SPAG17: variants seen among roughly 807,000 people sequenced by gnomAD.
SPAG17 encodes sperm associated antigen 17, also known as sperm-associated antigen 17.
SPAG17 carries 169 observed loss-of-function variants against 273.6 expected under a neutral mutation model. The observed-to-expected ratio is 0.62, with a 90% CI of 0.55 to 0.70. SPAG17 has a LOEUF of 0.70. Among genes scored for constraint, SPAG17 ranks in the 30% least tolerant of loss-of-function variants. SPAG17 has a pLI of 0.00. For synonymous variants in SPAG17, 825 were observed against 873.2 expected, an observed-to-expected ratio of 0.94 and a Z score of 0.97; for missense variants, 2,557 against 2,627.8, an observed-to-expected ratio of 0.97 and a Z score of 0.59.
At chr1:117,957,749 G>A (rs961482494) in intron 48 of SPAG17, among the ~76,000 whole-genome samples, 2 of 152,150 alleles carry the variant, frequency 1.3e-5, no homozygotes, top group African/African-American at 4.8e-5. Flanking sequence ...TGTGTGGCCC[G>A]AGACGGTTCT....
intron 15 of SPAG17, chr1:118,076,473 C>G (rs1654105714): frequency 6.6e-6 from 1 of 152,014 alleles, no homozygotes. Context: ...AAACTCAGGC[C>G]AACTATAACT....
At chr1:118,139,668 G>C (rs963197677) in intron 3 of SPAG17, among the ~76,000 whole-genome samples, 3 of 151,958 alleles carry the variant, frequency 2.0e-5, no homozygotes, top group African/African-American at 7.3e-5. Context: ...GATGGAATCA[G>C]AAAACATTAT....
chr1:118,061,632 A>G (rs1169150334), intron 18 of SPAG17, among the ~76,000 whole-genome samples: 1 of 152,200 alleles, frequency 6.6e-6, no homozygotes, highest in Non-Finnish European at 1.5e-5. Flanking sequence ...CAATGTTTTT[A>G]AAAAACCACA....
At chr1:118,153,320 C>G (rs1659489644) in intron 1 of SPAG17, among the ~76,000 whole-genome samples, 1 of 152,150 alleles carries the variant, frequency 6.6e-6, no homozygotes, top group African/African-American at 2.4e-5. Context: ...GATGGAAAAA[C>G]AAAGGTCCAA....
At chr1:118,126,087 A>G (rs927399379) in intron 3 of SPAG17, among the ~76,000 whole-genome samples, 1 of 143,852 alleles carries the variant, frequency 7.0e-6, no homozygotes, top group African/African-American at 2.6e-5. Context: ...GGGTGAAATC[A>G]TATCTCATTA....
intron 3 of SPAG17, among the ~76,000 whole-genome samples, chr1:118,137,464 G>T (rs1007928698): frequency 1.3e-5 from 2 of 152,128 alleles, no homozygotes; most frequent in African/African-American, 2.4e-5. Context: ...TTAGAGTTCT[G>T]CAGATTTCAA....
chr1:118,033,899 G>A (rs1166776573), intron 24 of SPAG17, among the ~76,000 whole-genome samples: 1 of 152,162 alleles, frequency 6.6e-6, no homozygotes, highest in African/African-American at 2.4e-5. Flanking sequence ...ACTGTCCCCA[G>A]TACTCTGTTT....
chr1:117,959,470 T>A, intron 48 of SPAG17: 2 of 1,557,360 alleles, frequency 1.3e-6, no homozygotes, highest in Non-Finnish European at 1.7e-6. Context: ...GTATCTTTTT[T>A]TTTTTCAACT....
In SPAG17 at chr1:118,012,218, T is replaced by C. The variant is rs986221963; in HGVS notation, c.4432+10A>G. The C allele has an allele frequency of 6.2e-7, 1 of 1,610,938 alleles. No homozygotes were observed. Among genetic ancestry groups the C allele is most frequent in the Non-Finnish European group, 8.5e-7 (1 of 1,177,896 alleles). ...AAAATATTGTCATGTACTCAGAAAA[T>C]AAAACATACTTGTTTCTTGATCATC... On this transcript the variant is annotated intron_variant, in intron 30 of 48. Coordinates refer to ENST00000336338, the MANE Select transcript of SPAG17 (RefSeq NM_206996.4).
intron 27 of SPAG17, 71 bp from the exon 28 acceptor site, chr1:118,023,534 T>A: frequency 6.9e-7 from 1 of 1,448,842 alleles, no homozygotes; most frequent in Non-Finnish European, 9.3e-7. Flanking sequence ...AAACGCTGTG[T>A]GTCAAATGGA....
Position 118,163,702 on chromosome 1 carries a change from C to T in SPAG17, c.88-12333G>A, listed in dbSNP as rs557261756. Among the ~76,000 whole-genome samples, 10 of 152,046 alleles carry T rather than the reference C, an allele frequency of 6.6e-5. No individual in the cohort carries two copies. The South Asian group carries it at 2.1e-3, about 32-fold the overall frequency. ...CATCTTCACCTAAGCCCAGACTCCC[C>T]ACTAACCATTTTCCCTTATGACCTT... On this transcript the variant is annotated intron_variant, in intron 1 of 48. Coordinates refer to ENST00000336338, the MANE Select transcript of SPAG17 (RefSeq NM_206996.4).
rs1412577880 is a variant in SPAG17, at chr1:117,996,501, C to T, written c.4923-1G>A. On this transcript the variant is annotated splice_acceptor_variant, in intron 33 of 48. Coordinates refer to ENST00000336338, the MANE Select transcript of SPAG17 (RefSeq NM_206996.4). LOFTEE classifies it high-confidence loss of function. ...TCCATCAGCATACATAACAAAAAAC[C>T]TATTTGAAGAAATAAAAATATAATC... 6.2e-7 allele frequency: 1 copy of T among 1,609,076 alleles called. No individual in the cohort carries two copies. Among genetic ancestry groups the T allele is most frequent in the African/African-American group, 1.3e-5 (1 of 74,502 alleles).
chr1:118,148,377 C>G (rs994098027), intron 3 of SPAG17, among the ~76,000 whole-genome samples: 4 of 152,182 alleles, frequency 2.6e-5, no homozygotes, highest in African/African-American at 9.6e-5. Flanking sequence ...ATCCTCCACA[C>G]TCGGCAAGGG....
intron 1 of SPAG17, among the ~76,000 whole-genome samples, chr1:118,157,926 C>T (rs1659730563): frequency 6.6e-6 from 1 of 152,048 alleles, no homozygotes; most frequent in African/African-American, 2.4e-5. Flanking sequence ...ACAAACATGG[C>T]TAGTCCATGC....
chr1:118,066,955 GTC>G (rs1553243726), intron 17 of SPAG17, 56 bp from the exon 18 acceptor site: 15 of 1,518,914 alleles, frequency 9.9e-6, no homozygotes, highest in Non-Finnish European at 1.3e-5. Flanking sequence ...CAAGAGAAGG[GTC>G]TCCTACTAGG....
chr1:118,079,966 A>T (rs1302265785), intron 15 of SPAG17, among the ~76,000 whole-genome samples: 1 of 152,242 alleles, frequency 6.6e-6, no homozygotes, highest in Non-Finnish European at 1.5e-5. Context: ...ATAAACCTAT[A>T]ATCACTAAGA....
At chr1:118,025,531 A>G in intron 26 of SPAG17, 115 bp from the exon 27 acceptor site, 1 of 865,746 alleles carries the variant, frequency 1.2e-6, no homozygotes. Flanking sequence ...AAATAGAGAC[A>G]AAGTCTCGCT....
chr1:118,064,171 AGT>A (rs1171401981), intron 18 of SPAG17, among the ~76,000 whole-genome samples: 1 of 152,188 alleles, frequency 6.6e-6, no homozygotes, highest in East Asian at 1.9e-4. Flanking sequence ...TGTGGAAGTC[AGT>A]GTGGCGATTC....
At chr1:118,080,845 AATG>A (rs1352746612) in intron 15 of SPAG17, among the ~76,000 whole-genome samples, 1 of 152,142 alleles carries the variant, frequency 6.6e-6, no homozygotes, top group Non-Finnish European at 1.5e-5. Context: ...GTGTAACACT[AATG>A]ATGAAAGTTT....
Sources: gnomAD v4.1 joint callset for allele counts (sites outside exome capture counted in the v4.1 genomes callset) on GRCh38, gnomAD v4.1.1 for gene constraint, MANE v1.5 for transcripts, NCBI Gene and HGNC (gene_info 2026-07-23, HGNC 2026-07-21) for gene names.